Variants in ZNF609 observed in about 807,000 individuals in gnomAD.
ZNF609 encodes the protein zinc finger protein 609.
A neutral mutation model predicts 109.5 loss-of-function variants in ZNF609; 11 were observed. The ratio of observed to expected loss-of-function variants is 0.10; its 90% confidence interval spans 0.06 to 0.17. The LOEUF is 0.17. Ranked by LOEUF, ZNF609 falls within the 10% of genes least tolerant of loss-of-function variation. ZNF609 has a pLI of 1.00. For synonymous variants in ZNF609, 646 were observed against 662.0 expected (o/e 0.98, Z 0.37); for missense variants, 1,559 against 1,772.4 (o/e 0.88, Z 2.16).
chr15:64,462,571 C>A (rs1197765551), intron 1 of ZNF609, among the ~76,000 whole-genome samples: 3 of 152,022 alleles, frequency 2.0e-5, no homozygotes, highest in African/African-American at 7.3e-5. Context: ...GAGTTTAAGA[C>A]CAGCCTGGGC....
chr15:64,561,671 C>T (rs1894683770), intron 2 of ZNF609, among the ~76,000 whole-genome samples: 1 of 151,482 alleles, frequency 6.6e-6, no homozygotes, highest in Non-Finnish European at 1.5e-5. Context: ...GCTGGGATTA[C>T]AGGTGTGAGC....
At chr15:64,531,177 C>A (rs1166408532) in intron 2 of ZNF609, among the ~76,000 whole-genome samples, 1 of 152,034 alleles carries the variant, frequency 6.6e-6, no homozygotes, top group Non-Finnish European at 1.5e-5. Context: ...ATATTATGGG[C>A]AAGATGGCAG....
chr15:64,477,652 A>G (rs111594504), intron 1 of ZNF609, among the ~76,000 whole-genome samples: 9,096 of 146,604 alleles, frequency 0.062, 288 homozygotes, highest in South Asian at 0.087. Context: ...TTTTTGAAAC[A>G]GAGTCTCGCT....
chr15:64,577,057 C>CACATCAATAT (rs1567019119), intron 2 of ZNF609, among the ~76,000 whole-genome samples: 1 of 35,854 alleles, frequency 2.8e-5, no homozygotes, highest in Non-Finnish European at 5.3e-5. Flanking sequence ...TAAATATATA[C>CACATCAATAT]ATATATGTAT....
chr15:64,643,311 G>A (rs975148134), intron 3 of ZNF609, among the ~76,000 whole-genome samples: 1 of 152,082 alleles, frequency 6.6e-6, no homozygotes, highest in Non-Finnish European at 1.5e-5. Flanking sequence ...ACTTTCATAC[G>A]ATCTGTTTCT....
chr15:64,615,399 T>C (rs1895784194), intron 2 of ZNF609, among the ~76,000 whole-genome samples: 1 of 151,974 alleles, frequency 6.6e-6, no homozygotes, highest in South Asian at 2.1e-4. Context: ...GTCCTTGGCC[T>C]CCCAAAGTGC....
chr15:64,584,848 C>T (rs566663062), intron 2 of ZNF609, among the ~76,000 whole-genome samples: 3 of 149,322 alleles, frequency 2.0e-5, no homozygotes, highest in South Asian at 2.2e-4. Flanking sequence ...AGGATGGTCT[C>T]GATCTCTTGA....
At chr15:64,465,290 A>AT (rs1287742706) in intron 1 of ZNF609, among the ~76,000 whole-genome samples, 6 of 152,248 alleles carry the variant, frequency 3.9e-5, no homozygotes, top group African/African-American at 1.4e-4. Flanking sequence ...TACTCAAGTG[A>AT]TTTTGCATGT....
chr15:64,506,187 C>T (rs1186695300), intron 2 of ZNF609, among the ~76,000 whole-genome samples: 1 of 151,254 alleles, frequency 6.6e-6, no homozygotes, highest in Non-Finnish European at 1.5e-5. Flanking sequence ...CTCACTCTGC[C>T]GCCCAGGCTG....
At chr15:64,528,766 G>C in intron 2 of ZNF609, 1 of 882,258 alleles carries the variant, frequency 1.1e-6, no homozygotes, top group Non-Finnish European at 1.9e-6. Context: ...AGTGGTCCTT[G>C]AGGACAATGG....
chr15:64,552,697 T>A (rs980817150), intron 2 of ZNF609, among the ~76,000 whole-genome samples: 11 of 152,180 alleles, frequency 7.2e-5, no homozygotes, highest in African/African-American at 2.4e-4. Context: ...TGGCTCAGGC[T>A]GGAGTGCAGT....
chr15:64,482,933 T>C (rs1426458022), intron 1 of ZNF609, among the ~76,000 whole-genome samples: 1 of 152,156 alleles, frequency 6.6e-6, no homozygotes, highest in African/African-American at 2.4e-5. Context: ...TCTAAAAACC[T>C]CCAAAAGCTC....
At chr15:64,656,511 G>C (rs1896489920) in intron 3 of ZNF609, among the ~76,000 whole-genome samples, 1 of 151,946 alleles carries the variant, frequency 6.6e-6, no homozygotes. Context: ...CTTGTGGTTT[G>C]GTCTCACTCT....
At chr15:64,472,788 C>T (rs75471443) in intron 1 of ZNF609, among the ~76,000 whole-genome samples, 2,193 of 152,064 alleles carry the variant, frequency 0.014, 18 homozygotes, top group Non-Finnish European at 0.023. Flanking sequence ...TTGAGGCTGC[C>T]GTGAACTGTG....
At chr15:64,652,607 C>T (rs1896435208) in intron 3 of ZNF609, among the ~76,000 whole-genome samples, 1 of 152,084 alleles carries the variant, frequency 6.6e-6, no homozygotes, top group South Asian at 2.1e-4. Context: ...AGGCTGATCT[C>T]AAACTCCTAG....
chr15:64,529,350 T>A (rs1441492904), intron 2 of ZNF609: 2 of 729,732 alleles, frequency 2.7e-6, no homozygotes, highest in African/African-American at 3.4e-5. Flanking sequence ...AGCCCCAGCC[T>A]TCTCCATGGT....
At chr15:64,561,506 A>G (rs1375564530) in intron 2 of ZNF609, among the ~76,000 whole-genome samples, 3 of 151,326 alleles carry the variant, frequency 2.0e-5, no homozygotes, top group Admixed American at 6.6e-5. Context: ...ATAATGTAAA[A>G]TGAATTATTC....
intron 3 of ZNF609, among the ~76,000 whole-genome samples, chr15:64,662,769 G>A (rs1056337993): frequency 1.3e-5 from 2 of 152,006 alleles, no homozygotes; most frequent in African/African-American, 4.8e-5. Flanking sequence ...AGGCTCACGC[G>A]ATTCTCTTGC....
intron 2 of ZNF609, among the ~76,000 whole-genome samples, chr15:64,574,130 G>A (rs547818): frequency 0.87 from 129,893 of 149,648 alleles, 57,558 homozygotes; most frequent in East Asian, 0.96. Context: ...TTGTGGCACT[G>A]CATTAGCCTT....
Sources: gnomAD v4.1 joint callset for allele counts (sites outside exome capture counted in the v4.1 genomes callset) on GRCh38, gnomAD v4.1.1 for gene constraint, MANE v1.5 for transcripts, NCBI Gene and HGNC (gene_info 2026-07-23, HGNC 2026-07-21) for gene names.